SLC36A4: variants seen among roughly 807,000 people sequenced by gnomAD.
SLC36A4 encodes solute carrier family 36 member 4, also known as neutral amino acid uniporter 4.
Under a neutral mutation model 50.5 loss-of-function variants are expected in SLC36A4, and 49 were observed. That is an observed-to-expected ratio of 0.97 (90% CI 0.77 to 1.23). SLC36A4 has a LOEUF of 1.23. SLC36A4 is among the 50% of genes most tolerant of loss of function. The probability of loss-of-function intolerance (pLI) is 0.00; values close to 1 mark genes in which losing one functional copy is unlikely to be tolerated. For missense variants in SLC36A4, 611 were observed against 608.4 expected (o/e 1.00, Z -0.05); for synonymous variants, 207 against 206.5 (o/e 1.00, Z -0.02).
At position 93,168,040 on chromosome 11, in the gene SLC36A4, G is replaced by T; in HGVS notation, c.672C>A (p.Val224=). The T allele has an allele frequency of 6.2e-7, 1 of 1,612,338 alleles. No homozygotes were observed. The highest frequency in any genetic ancestry group is 1.1e-5 in the South Asian group (1 of 90,936). ...ATAGATTCTTTAGTTCACGAATGAA[G>T]ACCAAAAGAATTATAAATGGAAGAA... The part of the protein sequence containing the change: ...LCFLPFIILL[V]FIRELKNLFV... The change falls in exon 7 of 11, where the codon GTC becomes GTA. Residue 224 remains valine (V), a synonymous_variant. Coordinates refer to ENST00000326402, the MANE Select transcript of SLC36A4 (RefSeq NM_152313.4).
chr11:93,164,858 T>C (rs1013583751), intron 8 of SLC36A4, among the ~76,000 whole-genome samples: 1 of 152,166 alleles, frequency 6.6e-6, no homozygotes, highest in Non-Finnish European at 1.5e-5. Flanking sequence ...ATCACTCCAG[T>C]GTTTCAAGCT....
chr11:93,195,315 T>G (rs551987142), intron 1 of SLC36A4, among the ~76,000 whole-genome samples: 111 of 152,110 alleles, frequency 7.3e-4, no homozygotes, highest in African/African-American at 2.5e-3. Context: ...TTAATAACAA[T>G]TTCATTCTTC....
intron 6 of SLC36A4, chr11:93,171,428 G>A (rs1354734065): frequency 1.3e-5 from 2 of 151,938 alleles, no homozygotes; most frequent in Non-Finnish European, 2.9e-5. Context: ...TTAACATATT[G>A]GAAGTGACAG....
chr11:93,190,456 G>A (rs1408286354), intron 1 of SLC36A4, among the ~76,000 whole-genome samples: 1 of 152,050 alleles, frequency 6.6e-6, no homozygotes, highest in East Asian at 1.9e-4. Flanking sequence ...ATTACATATT[G>A]TATGCTTATA....
rs200161055 is a variant in SLC36A4 at position 93,168,143 on chromosome 11, A to C, written c.569T>G (p.Val190Gly). 1.1e-4 allele frequency: 180 copies of C among 1,611,000 alleles called. 1 individual carries two copies. The highest frequency in any genetic ancestry group is 7.8e-4 in the South Asian group (71 of 90,682). The change falls in exon 7 of 11, where the codon GTG (valine) becomes GGG (glycine). Residue 190 changes from valine to glycine, a missense_variant. By Grantham distance (109) the Val-to-Gly change is moderately radical (BLOSUM62 -3). Coordinates refer to ENST00000326402, the MANE Select transcript of SLC36A4 (RefSeq NM_152313.4). ...TGAATTGGTACTATTTGAAATAAAC[A>C]CTTTACTCTCCAGGAATCCTTCATG... The part of the protein sequence containing the change: ...QVHEGFLESK[V>G]FISNSTNSSN...
rs117464224 is a variant in SLC36A4, at chr11:93,162,839, G to A, written c.904C>T (p.Arg302Cys). The A allele has an allele frequency of 3.9e-4, 629 of 1,612,920 alleles. No homozygotes were observed. Among genetic ancestry groups the A allele is most frequent in the Non-Finnish European group, 4.9e-4 (581 of 1,179,698 alleles). The stretch of plus-strand genomic sequence containing the variant: ...CCAATATTCAACGCTTGAGGGAAAC[G>A]CTTTGATTCTTTCATTTGGTTTTCC... ...PLENQMKESKRFPQALNIGMG... is the reference protein window; with the variant it reads ...PLENQMKESKCFPQALNIGMG... Residue 302 changes from arginine (R) to cysteine (C), a missense_variant, in exon 9 of 11, where the codon CGT becomes TGT. By Grantham distance (180) the Arg-to-Cys change is radical. Coordinates refer to ENST00000326402, the MANE Select transcript of SLC36A4 (RefSeq NM_152313.4).
rs1861857436 is a variant in SLC36A4, at chr11:93,183,899, C to T, written c.270+531G>A. Reference sequence around the variant, plus strand: ...TTTTTTAGTAGAGACGGGGTTTCACCGTGTTAGCCAGGATGGTCTCAATCT... The same window carrying T: ...TTTTTTAGTAGAGACGGGGTTTCACTGTGTTAGCCAGGATGGTCTCAATCT... On this transcript the variant is annotated intron_variant, in intron 3 of 10. Transcript: ENST00000326402. 2.0e-5 allele frequency among the ~76,000 whole-genome samples: 3 copies of T among 152,032 alleles called. No individual in the cohort carries two copies. The South Asian group carries it at 6.2e-4, about 32-fold the overall frequency.
chr11:93,156,116 G>C (rs998671821), intron 9 of SLC36A4, among the ~76,000 whole-genome samples: 1 of 152,184 alleles, frequency 6.6e-6, no homozygotes, highest in Non-Finnish European at 1.5e-5. Flanking sequence ...TGGATCAAAT[G>C]ACATTTCTGT....
rs1237886112 is a variant in SLC36A4 at position 93,171,671 on chromosome 11, AG to A, written c.541-3501del. On this transcript the variant is annotated intron_variant, in intron 6 of 10. Transcript: ENST00000326402. ...AGAAGATAGGTATTCAAATAGATAC[AG>A]TACTACCATGTTACACGACCCTAGA... 2.0e-5 allele frequency: 3 copies of A among 152,128 alleles called. No individual in the cohort carries two copies. In the East Asian group the frequency reaches 5.8e-4, roughly 29 times the overall value. The allele number at this position is 152,128 out of a possible 1,614,324, so 9.4% of individuals were successfully genotyped here. A position where few individuals can be genotyped will look rare whatever the true frequency, so the allele number is the denominator to read the frequency against.
intron 9 of SLC36A4, chr11:93,154,697 G>GTATA (rs1860268032): frequency 6.6e-6 from 1 of 152,150 alleles, no homozygotes; most frequent in South Asian, 2.1e-4. Context: ...TTAAACTTAA[G>GTATA]TATAGTTCTT....
At chr11:93,188,690 T>C (rs1185925717) in intron 1 of SLC36A4, among the ~76,000 whole-genome samples, 2 of 152,200 alleles carry the variant, frequency 1.3e-5, no homozygotes, top group African/African-American at 4.8e-5. Flanking sequence ...ACTCTAGAAA[T>C]TTATTATGTT....
intron 9 of SLC36A4, chr11:93,159,760 A>G (rs1327581732): frequency 1.1e-6 from 1 of 936,504 alleles, no homozygotes; most frequent in Non-Finnish European, 1.3e-6. Flanking sequence ...GACAGTTCAG[A>G]AAGATTAAGG....
chr11:93,181,590 C>T (rs777788704), intron 5 of SLC36A4, 101 bp downstream of exon 5: 3 of 906,508 alleles, frequency 3.3e-6, no homozygotes, highest in Non-Finnish European at 4.5e-6. Context: ...TGTTTATTCC[C>T]CAACTTTATC....
At chr11:93,165,209 C>T (rs1294298534) in intron 8 of SLC36A4, among the ~76,000 whole-genome samples, 2 of 152,068 alleles carry the variant, frequency 1.3e-5, no homozygotes, top group Non-Finnish European at 2.9e-5. Flanking sequence ...GTTTTGCTCC[C>T]ATACCAGATC....
At chr11:93,190,433 T>C (rs540716002) in intron 1 of SLC36A4, among the ~76,000 whole-genome samples, 1 of 152,292 alleles carries the variant, frequency 6.6e-6, no homozygotes, top group African/African-American at 2.4e-5. Context: ...ATCCCAATTA[T>C]CCTGATTTGA....
At chr11:93,189,881 C>T (rs1862142581) in intron 1 of SLC36A4, among the ~76,000 whole-genome samples, 1 of 152,056 alleles carries the variant, frequency 6.6e-6, no homozygotes, top group Non-Finnish European at 1.5e-5. Flanking sequence ...TTTTTAATAT[C>T]ATTTAAAATA....
At chr11:93,151,084 A>T (rs1860067135) in intron 10 of SLC36A4, among the ~76,000 whole-genome samples, 1 of 152,020 alleles carries the variant, frequency 6.6e-6, no homozygotes, top group Non-Finnish European at 1.5e-5. Flanking sequence ...GATTTTAAAC[A>T]TTATATTACC....
In SLC36A4 at chr11:93,162,834, G is replaced by C; in HGVS notation, c.909C>G (p.Phe303Leu). ...LENQMKESKR[F>L]PQALNIGMGI... The stretch of plus-strand genomic sequence containing the variant: ...CCATGCCAATATTCAACGCTTGAGG[G>C]AAACGCTTTGATTCTTTCATTTGGT... Residue 303 changes from phenylalanine to leucine, a missense_variant, in exon 9 of 11, where the codon TTC becomes TTG. Coordinates refer to ENST00000326402, the MANE Select transcript of SLC36A4 (RefSeq NM_152313.4). The C allele has an allele frequency of 2.5e-6, 4 of 1,613,428 alleles. No homozygotes were observed. In the South Asian group the frequency reaches 3.3e-5, roughly 13 times the overall value.
intron 4 of SLC36A4, among the ~76,000 whole-genome samples, chr11:93,182,601 CACT>C (rs1346563757): frequency 6.6e-6 from 1 of 152,026 alleles, no homozygotes; most frequent in Non-Finnish European, 1.5e-5. Flanking sequence ...CATACTATTT[CACT>C]AATAAGGCTA....
Sources: gnomAD v4.1 joint callset for allele counts (sites outside exome capture counted in the v4.1 genomes callset) on GRCh38, gnomAD v4.1.1 for gene constraint, MANE v1.5 for transcripts, NCBI Gene and HGNC (gene_info 2026-07-23, HGNC 2026-07-21) for gene names.